LRRTM4: variants seen among roughly 807,000 people sequenced by gnomAD.
The protein encoded by LRRTM4 is leucine-rich repeat transmembrane neuronal protein 4.
LRRTM4 carries 25 observed loss-of-function variants against 47.6 expected under a neutral mutation model. The ratio of observed to expected loss-of-function variants is 0.53; its 90% CI spans 0.38 to 0.73. LRRTM4 has a LOEUF of 0.73. LRRTM4 is among the 30% of genes least tolerant of loss of function. LRRTM4 has a pLI of 0.00. For missense variants in LRRTM4, 638 were observed against 713.4 expected (o/e 0.89, Z 1.20); for synonymous variants, 311 against 269.5 (o/e 1.15, Z -1.51).
At chr2:77,459,605 C>T (rs1036244110) in intron 3 of LRRTM4, among the ~76,000 whole-genome samples, 1 of 142,464 alleles carries the variant, frequency 7.0e-6, no homozygotes, top group African/African-American at 2.5e-5. Context: ...ATTCATGACA[C>T]TTATATAAAC....
intron 3 of LRRTM4, among the ~76,000 whole-genome samples, chr2:77,268,713 T>C (rs903131872): frequency 5.9e-5 from 9 of 152,168 alleles, no homozygotes; most frequent in Non-Finnish European, 1.2e-4. Flanking sequence ...AAAAAAATCT[T>C]ATAAGGGCTT....
At chr2:76,899,567 G>A (rs2103739405) in intron 3 of LRRTM4, among the ~76,000 whole-genome samples, 1 of 152,142 alleles carries the variant, frequency 6.6e-6, no homozygotes, top group East Asian at 1.9e-4. Context: ...TAATGCAAAG[G>A]ACCTAATGTG....
chr2:77,421,194 T>A (rs1674867537), intron 3 of LRRTM4, among the ~76,000 whole-genome samples: 1 of 152,196 alleles, frequency 6.6e-6, no homozygotes, highest in Admixed American at 6.5e-5. Flanking sequence ...AATTATGAGT[T>A]ATTACGTCTC....
In LRRTM4 at chr2:77,496,538, T is replaced by C. The variant is rs992587299; in HGVS notation, c.1551+21780A>G. Among the ~76,000 whole-genome samples, 17 of 151,820 alleles carry C rather than the reference T, an allele frequency of 1.1e-4. 1 individual carries two copies. The highest frequency in any genetic ancestry group is 4.1e-4 in the African/African-American group (17 of 41,418). On this transcript the variant is annotated intron_variant, in intron 3 of 3. Transcript: ENST00000409884. ...TTGCTGAATTATTATTAGAATTGTA[T>C]GTTAAATTTTCTCAAACGCTTTGTC...
chr2:77,097,494 T>G (rs538037486), intron 3 of LRRTM4, among the ~76,000 whole-genome samples: 1 of 152,082 alleles, frequency 6.6e-6, no homozygotes, highest in East Asian at 1.9e-4. Context: ...CAAGATTTCA[T>G]GTTTTACAGA....
intron 3 of LRRTM4, among the ~76,000 whole-genome samples, chr2:77,065,015 C>T (rs772937855): frequency 6.6e-5 from 10 of 152,158 alleles, no homozygotes; most frequent in South Asian, 2.1e-4. Flanking sequence ...ACCTATTGAA[C>T]TCAACTGTGG....
intron 3 of LRRTM4, among the ~76,000 whole-genome samples, chr2:76,793,291 G>A (rs1675077380): frequency 6.6e-6 from 1 of 151,996 alleles, no homozygotes; most frequent in African/African-American, 2.4e-5. Context: ...CAAGGGTGTG[G>A]GTCATGGGTT....
intron 3 of LRRTM4, among the ~76,000 whole-genome samples, chr2:76,958,108 T>C (rs963675570): frequency 6.6e-6 from 1 of 151,710 alleles, no homozygotes; most frequent in Non-Finnish European, 1.5e-5. Flanking sequence ...TACTACAAAA[T>C]TCCATGGAAT....
chr2:76,973,424 C>T (rs1239487157), intron 3 of LRRTM4, among the ~76,000 whole-genome samples: 5 of 152,030 alleles, frequency 3.3e-5, no homozygotes, highest in African/African-American at 1.2e-4. Flanking sequence ...CTATCTGCTG[C>T]ATAATTTAGA....
chr2:77,182,619 T>C (rs1673381455), intron 3 of LRRTM4, among the ~76,000 whole-genome samples: 2 of 152,158 alleles, frequency 1.3e-5, no homozygotes, highest in African/African-American at 4.8e-5. Context: ...TATACAATCA[T>C]GTCATATGCA....
intron 3 of LRRTM4, among the ~76,000 whole-genome samples, chr2:77,409,996 C>T (rs1008776797): frequency 2.0e-5 from 3 of 152,034 alleles, no homozygotes; most frequent in African/African-American, 4.8e-5. Flanking sequence ...CATCACCAAA[C>T]CTTTATAGAA....
At chr2:77,511,139 T>G (rs1678968801) in intron 3 of LRRTM4, among the ~76,000 whole-genome samples, 1 of 152,094 alleles carries the variant, frequency 6.6e-6, no homozygotes, top group Admixed American at 6.6e-5. Context: ...CATACCAAAT[T>G]GAGGCAATGA....
chr2:77,521,905 G>T, intron 1 of LRRTM4, 87 bp from the exon 2 acceptor site: 1 of 471,718 alleles, frequency 2.1e-6, no homozygotes, highest in Non-Finnish European at 3.7e-6. Flanking sequence ...TCAGCACAGG[G>T]TGGGATGGTT....
At chr2:77,264,421 C>T (rs1272632309) in intron 3 of LRRTM4, among the ~76,000 whole-genome samples, 1 of 152,018 alleles carries the variant, frequency 6.6e-6, no homozygotes, top group Non-Finnish European at 1.5e-5. Flanking sequence ...CATACCCCAT[C>T]CTTATAAACT....
intron 3 of LRRTM4, among the ~76,000 whole-genome samples, chr2:77,317,297 T>C (rs1677646465): frequency 6.6e-6 from 1 of 152,172 alleles, no homozygotes; most frequent in Admixed American, 6.5e-5. Flanking sequence ...GTGAATATAA[T>C]CAAAGTAATC....
At position 76,790,102 on chromosome 2, in the gene LRRTM4, C is replaced by G. The variant is rs116845253; in HGVS notation, c.1552-41186G>C. Among the ~76,000 whole-genome samples the G allele has an allele frequency of 3.9e-4, 59 of 152,300 alleles. 1 individual carries two copies. In the East Asian group the frequency reaches 6.6e-3, roughly 17 times the overall value. Reference sequence around the variant, plus strand: ...CACTGTCTGAGATCTTTCCTAGCATCAGAGATTTTGGTTTACTTTTAGAAT... The same window carrying G: ...CACTGTCTGAGATCTTTCCTAGCATGAGAGATTTTGGTTTACTTTTAGAAT... On this transcript the variant is annotated intron_variant, in intron 3 of 3. Transcript: ENST00000409884.
intron 3 of LRRTM4, among the ~76,000 whole-genome samples, chr2:76,960,653 G>A (rs1675825618): frequency 1.1e-5 from 1 of 89,926 alleles, no homozygotes; most frequent in African/African-American, 6.9e-5. Context: ...ATTTCCTGAA[G>A]ATTAAGATGG....
At chr2:76,992,211 C>G (rs1358767393) in intron 3 of LRRTM4, among the ~76,000 whole-genome samples, 3 of 151,716 alleles carry the variant, frequency 2.0e-5, no homozygotes, top group Non-Finnish European at 4.4e-5. Flanking sequence ...AAGCATTATC[C>G]TTAAGAATTG....
intron 3 of LRRTM4, among the ~76,000 whole-genome samples, chr2:77,249,389 TC>T (rs1338275985): frequency 6.6e-6 from 1 of 151,782 alleles, no homozygotes; most frequent in Admixed American, 6.6e-5. Context: ...AATTTTTTGG[TC>T]CACCAAGGAC....
Sources: allele counts gnomAD v4.1 joint callset (sites outside exome capture counted in the v4.1 genomes callset), GRCh38; gene constraint gnomAD v4.1.1; transcripts MANE v1.5; gene names NCBI Gene and HGNC (gene_info 2026-07-23, HGNC 2026-07-21).